Variants in ZNF148 observed in about 807,000 individuals in gnomAD.
The protein encoded by ZNF148 is Beta-Enolase Repressor Factor-1.
ZNF148 carries 7 observed loss-of-function variants against 67.7 expected under a neutral mutation model. The observed-to-expected ratio is 0.10, with a 90% CI of 0.06 to 0.19. ZNF148 has a LOEUF of 0.19. Among genes scored for constraint, ZNF148 ranks in the 10% least tolerant of loss-of-function variants. The pLI is 1.00. For synonymous variants in ZNF148, 333 were observed against 330.7 expected (o/e 1.01, Z -0.08); for missense variants, 583 against 947.1 (o/e 0.62, Z 5.05).
At chr3:125,303,931 T>C (rs1348872023) in intron 4 of ZNF148, among the ~76,000 whole-genome samples, 1 of 152,256 alleles carries the variant, frequency 6.6e-6, no homozygotes, top group East Asian at 1.9e-4. Flanking sequence ...AGTGTATTTA[T>C]ATAAAATGTA....
intron 7 of ZNF148, among the ~76,000 whole-genome samples, chr3:125,276,571 T>C (rs926947493): frequency 6.6e-6 from 1 of 152,050 alleles, no homozygotes; most frequent in Non-Finnish European, 1.5e-5. Flanking sequence ...GTAGCTGGGA[T>C]TACAGGCATG....
At chr3:125,371,377 G>GAA (rs1559789379) in intron 1 of ZNF148, among the ~76,000 whole-genome samples, 33 of 90,362 alleles carry the variant, frequency 3.7e-4, no homozygotes, top group Admixed American at 1.5e-3. Flanking sequence ...AAAAAAGGGG[G>GAA]GGGGGGGGGC....
At chr3:125,326,787 C>T (rs1170185302) in intron 2 of ZNF148, among the ~76,000 whole-genome samples, 2 of 145,522 alleles carry the variant, frequency 1.4e-5, no homozygotes, top group African/African-American at 5.0e-5. Context: ...TATATACATA[C>T]ATCAAGATAT....
Position 125,226,113 on chromosome 3 carries a change from C to T in ZNF148, c.*6228G>A, listed in dbSNP as rs944935398. On this transcript the variant is annotated 3_prime_UTR_variant, in exon 9 of 9. Transcript: ENST00000360647. The stretch of plus-strand genomic sequence containing the variant: ...TAAAGAAAAGAACACATATTTTCTT[C>T]GCTCTATGATAAACACGTTTCAAGT... 1 of 152,590 alleles carries T rather than the reference C, an allele frequency of 6.6e-6. No homozygotes were observed. The highest frequency in any genetic ancestry group is 2.4e-5 in the African/African-American group (1 of 41,440). The allele number at this position is 152,590 out of a possible 1,614,324, so 9.5% of individuals were successfully genotyped here. A position where few individuals can be genotyped will look rare whatever the true frequency, so the allele number is the denominator to read the frequency against.
intron 1 of ZNF148, among the ~76,000 whole-genome samples, chr3:125,347,569 A>AT (rs36070409): frequency 1.0e-4 from 15 of 145,178 alleles, no homozygotes; most frequent in East Asian, 4.0e-4. Context: ...TTTATGTATT[A>AT]TTTTTTTTTT....
intron 5 of ZNF148, among the ~76,000 whole-genome samples, chr3:125,285,509 T>C (rs765680066): frequency 1.3e-5 from 2 of 151,930 alleles, no homozygotes; most frequent in Non-Finnish European, 2.9e-5. Flanking sequence ...TCCCATTACA[T>C]GTAACATGCC....
chr3:125,335,729 ATTTTCAAATATTTCACATTTCATG>A (rs1347083031), intron 1 of ZNF148, among the ~76,000 whole-genome samples: 4 of 152,186 alleles, frequency 2.6e-5, no homozygotes, highest in Admixed American at 6.5e-5. Context: ...CTTCTTTCGT[ATTTTCAAATATTTCACATTTCATG>A]TTTTCAAATA....
intron 1 of ZNF148, among the ~76,000 whole-genome samples, chr3:125,343,207 G>A (rs1941803381): frequency 6.6e-6 from 1 of 152,092 alleles, no homozygotes; most frequent in Non-Finnish European, 1.5e-5. Flanking sequence ...TTTTGGTTTA[G>A]TATGCAATCT....
At chr3:125,371,376 G>GAAA (rs1559789369) in intron 1 of ZNF148, among the ~76,000 whole-genome samples, 1 of 46,410 alleles carries the variant, frequency 2.2e-5, no homozygotes, top group African/African-American at 7.5e-5. Flanking sequence ...AAAAAAAGGG[G>GAAA]GGGGGGGGGG....
chr3:125,348,782 G>A (rs556982004), intron 1 of ZNF148, among the ~76,000 whole-genome samples: 21 of 152,180 alleles, frequency 1.4e-4, no homozygotes, highest in Admixed American at 3.9e-4. Flanking sequence ...AAAAGCCCCC[G>A]AATGTAGCCA....
intron 2 of ZNF148, among the ~76,000 whole-genome samples, chr3:125,330,103 T>C (rs1346331933): frequency 3.3e-5 from 5 of 152,110 alleles, no homozygotes; most frequent in Non-Finnish European, 5.9e-5. Context: ...TCAGAAGATA[T>C]GGTAAAAACA....
Position 125,232,342 on chromosome 3 carries a change from TAG to T in ZNF148, c.2382_2383del (p.Ter795LysfsTer8). On this transcript the variant is annotated frameshift_variant and stop_lost, in exon 9 of 9. Coordinates refer to ENST00000360647, the MANE Select transcript of ZNF148 (RefSeq NM_021964.3). LOFTEE classifies it high-confidence loss of function. This position sits in a 1 kb window ranked among gnomAD's most constrained non-coding sequence, Gnocchi z 4.2. The stretch of plus-strand genomic sequence containing the variant: ...ATTATTTACACTTTTTTTTTTTTTT[TAG>T]CCAAAAGTCTGGCCAGTTGTGGCAT... 7 of 1,545,706 alleles carry T rather than the reference TAG, an allele frequency of 4.5e-6. No individual in the cohort carries two copies. The highest frequency in any genetic ancestry group is 2.4e-5 in the South Asian group (2 of 84,158).
chr3:125,258,307 C>T (rs1488591782), intron 7 of ZNF148, among the ~76,000 whole-genome samples: 1 of 150,734 alleles, frequency 6.6e-6, no homozygotes, highest in Non-Finnish European at 1.5e-5. Context: ...TGCCTGTATT[C>T]CCAGCTACTC....
At chr3:125,333,513 C>A (rs1941373083) in intron 1 of ZNF148, among the ~76,000 whole-genome samples, 1 of 111,570 alleles carries the variant, frequency 9.0e-6, no homozygotes, top group Admixed American at 9.0e-5. Flanking sequence ...CCTTTCTTCT[C>A]TTCCACTCCT....
chr3:125,364,482 T>C (rs909249593), intron 1 of ZNF148, among the ~76,000 whole-genome samples: 5 of 152,056 alleles, frequency 3.3e-5, no homozygotes, highest in African/African-American at 9.7e-5. Context: ...ATTCATATGA[T>C]AGAATACCAC....
intron 1 of ZNF148, among the ~76,000 whole-genome samples, chr3:125,371,713 T>C (rs899210058): frequency 1.3e-4 from 19 of 144,798 alleles, no homozygotes; most frequent in Admixed American, 1.2e-3. Flanking sequence ...CATTCAAGGG[T>C]CATTTTAATG....
At chr3:125,277,592 G>T in intron 7 of ZNF148, 134 bp downstream of exon 7, 1 of 665,936 alleles carries the variant, frequency 1.5e-6, no homozygotes. Flanking sequence ...TTATTGAAGG[G>T]AGAAAAAAGA....
intron 6 of ZNF148, among the ~76,000 whole-genome samples, chr3:125,278,148 T>C (rs534511414): frequency 6.6e-6 from 1 of 152,182 alleles, no homozygotes; most frequent in Non-Finnish European, 1.5e-5. Context: ...CTTTTCTTCC[T>C]TTTTATCTGG....
At chr3:125,299,337 T>C (rs961292104) in intron 4 of ZNF148, among the ~76,000 whole-genome samples, 1 of 152,120 alleles carries the variant, frequency 6.6e-6, no homozygotes, top group Admixed American at 6.5e-5. Context: ...GACAGAACTA[T>C]ATTAAGAGTG....
Sources: gnomAD v4.1 joint callset for allele counts (sites outside exome capture counted in the v4.1 genomes callset) on GRCh38, gnomAD v4.1.1 for gene constraint, Gnocchi (gnomAD v3.1) non-coding constraint, MANE v1.5 for transcripts, NCBI Gene and HGNC (gene_info 2026-07-23, HGNC 2026-07-21) for gene names.